Variants in PPARGC1A observed in about 807,000 individuals in gnomAD.
PPARGC1A encodes peroxisome proliferator-activated receptor gamma coactivator 1-alpha.
PPARGC1A carries 25 observed loss-of-function variants against 88.7 expected under a neutral mutation model. The ratio of observed to expected loss-of-function variants is 0.28; its 90% CI spans 0.21 to 0.39. The LOEUF (loss-of-function observed/expected upper bound fraction) is 0.39, where lower values mean the gene tolerates loss of function less well. Among genes scored for constraint, PPARGC1A ranks in the 10% least tolerant of loss-of-function variants. The pLI, the probability that PPARGC1A is intolerant of heterozygous loss-of-function variation, is 1.00. For synonymous variants in PPARGC1A, 363 were observed against 355.6 expected, an observed-to-expected ratio of 1.02 and a Z score of -0.24; for missense variants, 880 against 968.7, an observed-to-expected ratio of 0.91 and a Z score of 1.22.
the PPARGC1A span, among the ~76,000 whole-genome samples, chr4:24,199,791 T>C: frequency 6.6e-6 from 1 of 152,214 alleles, no homozygotes; most frequent in Non-Finnish European, 1.5e-5. Flanking sequence ...ATAGCCTTTT[T>C]GGAAGACAAT....
chr4:23,831,548 G>C lies in PPARGC1A; in HGVS notation c.429+9C>G. 1.2e-6 allele frequency: 2 copies of C among 1,610,890 alleles called. No homozygotes were observed. Among genetic ancestry groups the C allele is most frequent in the Non-Finnish European group, 1.7e-6 (2 of 1,177,400 alleles). Reference sequence around the variant, plus strand: ...CCAATTCCTGCTAAACAGTAGGAAGGGTTCTTACTAGAGACGGCTCTTCTG... The same window carrying C: ...CCAATTCCTGCTAAACAGTAGGAAGCGTTCTTACTAGAGACGGCTCTTCTG... On this transcript the variant is annotated intron_variant, in intron 3 of 12. Transcript: ENST00000264867.
the PPARGC1A span, among the ~76,000 whole-genome samples, chr4:24,040,971 C>T: frequency 1.3e-5 from 2 of 152,168 alleles, no homozygotes; most frequent in Non-Finnish European, 2.9e-5. Flanking sequence ...CTGCATTAGT[C>T]TAGGATGTGA....
the PPARGC1A span, among the ~76,000 whole-genome samples, chr4:24,116,262 G>C: frequency 6.6e-6 from 1 of 152,066 alleles, no homozygotes; most frequent in Non-Finnish European, 1.5e-5. Flanking sequence ...TGAGTGCCCT[G>C]TCTGGGCGCT....
the PPARGC1A span, among the ~76,000 whole-genome samples, chr4:24,188,257 A>G: frequency 6.6e-6 from 1 of 152,048 alleles, no homozygotes; most frequent in Non-Finnish European, 1.5e-5. Flanking sequence ...TTGTCCATTC[A>G]TGTCCTATAT....
chr4:24,447,273 C>T, the PPARGC1A span, among the ~76,000 whole-genome samples: 3 of 152,220 alleles, frequency 2.0e-5, no homozygotes, highest in Non-Finnish European at 2.9e-5. Flanking sequence ...CTGCTGAGTA[C>T]ACAAGGGACC....
the PPARGC1A span, among the ~76,000 whole-genome samples, chr4:24,435,897 C>A: frequency 6.6e-6 from 1 of 152,120 alleles, no homozygotes. Flanking sequence ...TAGTTATGAC[C>A]CTGCTACCGG....
chr4:23,976,317 G>A, the PPARGC1A span, among the ~76,000 whole-genome samples: 1 of 152,214 alleles, frequency 6.6e-6, no homozygotes, highest in Non-Finnish European at 1.5e-5. Flanking sequence ...GCTGATCTCT[G>A]GGGAAAGACA....
chr4:24,043,238 C>A, the PPARGC1A span, among the ~76,000 whole-genome samples: 2 of 152,152 alleles, frequency 1.3e-5, no homozygotes, highest in Admixed American at 6.5e-5. Flanking sequence ...TCACCTATGT[C>A]CCCTATCCCG....
At chr4:24,258,007 G>A in the PPARGC1A span, among the ~76,000 whole-genome samples, 18 of 152,200 alleles carry the variant, frequency 1.2e-4, no homozygotes, top group African/African-American at 4.1e-4. Flanking sequence ...GTGGCAGGCG[G>A]AGGTGGCTTT....
chr4:24,028,119 A>AG, the PPARGC1A span, among the ~76,000 whole-genome samples: 1 of 131,532 alleles, frequency 7.6e-6, no homozygotes, highest in Non-Finnish European at 1.7e-5. Context: ...AGGCTCCTCA[A>AG]GGAAAAAAAA....
Position 23,826,853 on chromosome 4 carries a change from G to A in PPARGC1A, c.757+1547C>T, listed in dbSNP as rs10006216. On this transcript the variant is annotated intron_variant, in intron 5 of 12. Transcript: ENST00000264867. Reference sequence around the variant, plus strand: ...TTCTTCATTGTCATGATTTGTAAAAGTTTACTAAAAGAAAAAAAAAACAAC... The same window carrying A: ...TTCTTCATTGTCATGATTTGTAAAAATTTACTAAAAGAAAAAAAAAACAAC... Among the ~76,000 whole-genome samples the A allele has an allele frequency of 5.7e-3, 865 of 150,754 alleles. 8 individuals carry two copies. The highest frequency in any genetic ancestry group is 0.019 in the African/African-American group (801 of 41,198).
chr4:23,964,424 G>A, the PPARGC1A span, among the ~76,000 whole-genome samples: 1 of 152,160 alleles, frequency 6.6e-6, no homozygotes, highest in African/African-American at 2.4e-5. Flanking sequence ...ATAAGAAAAG[G>A]GATGACCTAG....
intron 10 of PPARGC1A, among the ~76,000 whole-genome samples, chr4:23,808,285 A>T (rs1720240682): frequency 2.0e-5 from 3 of 151,332 alleles, no homozygotes; most frequent in Admixed American, 2.0e-4. Flanking sequence ...GTAATTGCAC[A>T]ATTTTTTTCA....
the PPARGC1A span, among the ~76,000 whole-genome samples, chr4:24,290,000 A>G: frequency 6.6e-6 from 1 of 152,166 alleles, no homozygotes; most frequent in Non-Finnish European, 1.5e-5. Context: ...GTAGCAGGCA[A>G]AAAAGCTTGT....
chr4:23,997,137 A>G, the PPARGC1A span, among the ~76,000 whole-genome samples: 1 of 152,178 alleles, frequency 6.6e-6, no homozygotes, highest in Non-Finnish European at 1.5e-5. Flanking sequence ...ATAGTTTCCA[A>G]GTAGCCTGAG....
upstream of PPARGC1A, among the ~76,000 whole-genome samples, chr4:23,891,572 A>T (rs541688539): frequency 6.6e-6 from 1 of 152,356 alleles, no homozygotes; most frequent in South Asian, 2.1e-4. Flanking sequence ...CTTCTTTCAG[A>T]CCATACATAT....
the PPARGC1A span, among the ~76,000 whole-genome samples, chr4:23,910,373 ATAT>A: frequency 9.6e-6 from 1 of 103,802 alleles, no homozygotes; most frequent in South Asian, 2.4e-4. Context: ...ATATTATATT[ATAT>A]TATATATATT....
chr4:24,385,564 C>T, the PPARGC1A span, among the ~76,000 whole-genome samples: 1 of 152,124 alleles, frequency 6.6e-6, no homozygotes, highest in South Asian at 2.1e-4. Context: ...GAGGATATCA[C>T]CACTGATCCC....
chr4:24,411,952 G>C, the PPARGC1A span, among the ~76,000 whole-genome samples: 2 of 152,210 alleles, frequency 1.3e-5, no homozygotes, highest in Admixed American at 6.5e-5. Context: ...TTTGACAATA[G>C]TGAATAAAGC....
Sources: gnomAD v4.1 joint callset for allele counts (sites outside exome capture counted in the v4.1 genomes callset) on GRCh38, gnomAD v4.1.1 for gene constraint, MANE v1.5 for transcripts, NCBI Gene and HGNC (gene_info 2026-07-23, HGNC 2026-07-21) for gene names.